The following ASTN2 variants were observed in gnomAD, a reference collection of about 807,000 sequenced individuals.
ASTN2 encodes astrotactin-2.
Under a neutral mutation model 139.8 loss-of-function variants are expected in ASTN2, and 54 were observed. The ratio of observed to expected loss-of-function variants is 0.39; its 90% CI spans 0.31 to 0.48. ASTN2 has a LOEUF of 0.48. Among genes scored for constraint, ASTN2 ranks in the 20% least tolerant of loss-of-function variants. The pLI, the probability that ASTN2 is intolerant of heterozygous loss-of-function variation, is 0.95. For synonymous variants in ASTN2, 756 were observed against 719.5 expected, an observed-to-expected ratio of 1.05 and a Z score of -0.81; for missense variants, 1,565 against 1,725.1, an observed-to-expected ratio of 0.91 and a Z score of 1.64.
At chr9:116,538,232 G>A (rs985871284) in intron 19 of ASTN2, among the ~76,000 whole-genome samples, 3 of 150,834 alleles carry the variant, frequency 2.0e-5, no homozygotes, top group Admixed American at 6.6e-5. Flanking sequence ...GGGACTGAGA[G>A]GGAGAAAAAG....
At chr9:116,702,863 G>C (rs952969803) in intron 16 of ASTN2, among the ~76,000 whole-genome samples, 9 of 152,212 alleles carry the variant, frequency 5.9e-5, no homozygotes, top group Non-Finnish European at 1.0e-4. Context: ...CTCCGGACTT[G>C]AGTCTGTAGA....
intron 19 of ASTN2, among the ~76,000 whole-genome samples, chr9:116,536,278 T>C (rs1034820071): frequency 1.3e-5 from 2 of 151,896 alleles, no homozygotes; most frequent in Non-Finnish European, 2.9e-5. Context: ...TCAAGGTTTT[T>C]ATCTTCTTTG....
At chr9:117,277,081 C>A (rs909323642) in intron 2 of ASTN2, 1 of 152,146 alleles carries the variant, frequency 6.6e-6, no homozygotes, top group African/African-American at 2.4e-5. Flanking sequence ...CCTCTTCCCC[C>A]CTCACTGCTC....
intron 10 of ASTN2, among the ~76,000 whole-genome samples, chr9:116,933,404 C>T (rs999964064): frequency 4.6e-5 from 7 of 151,920 alleles, no homozygotes; most frequent in Non-Finnish European, 8.8e-5. Flanking sequence ...GAAGGGGAGC[C>T]GGAGTGAAGG....
intron 4 of ASTN2, among the ~76,000 whole-genome samples, chr9:117,103,260 G>A (rs964828461): frequency 6.6e-6 from 1 of 152,162 alleles, no homozygotes; most frequent in Non-Finnish European, 1.5e-5. Context: ...TAGTAGGAAA[G>A]CATTTTAGAT....
chr9:116,741,868 C>T (rs1829103872), intron 13 of ASTN2, among the ~76,000 whole-genome samples: 1 of 152,150 alleles, frequency 6.6e-6, no homozygotes, highest in Admixed American at 6.5e-5. Context: ...CTTAATTATG[C>T]ATCATAGTTT....
At chr9:116,807,947 TA>T (rs61576800) in intron 12 of ASTN2, among the ~76,000 whole-genome samples, 306 of 137,790 alleles carry the variant, frequency 2.2e-3, no homozygotes, top group Middle Eastern at 3.9e-3. Context: ...CTGTCTCTAC[TA>T]AAAAAAAAAA....
At chr9:117,197,553 C>T (rs572907722) in intron 3 of ASTN2, 1 of 152,262 alleles carries the variant, frequency 6.6e-6, no homozygotes, top group South Asian at 2.1e-4. Flanking sequence ...ACCCCACTGA[C>T]TCCATTAATA....
At chr9:117,271,191 A>G (rs902188074) in intron 2 of ASTN2, among the ~76,000 whole-genome samples, 3 of 152,210 alleles carry the variant, frequency 2.0e-5, no homozygotes, top group Non-Finnish European at 4.4e-5. Flanking sequence ...ACACCTCATA[A>G]TCATGATGGA....
At chr9:117,176,293 T>G (rs1830914963) in intron 3 of ASTN2, among the ~76,000 whole-genome samples, 1 of 152,070 alleles carries the variant, frequency 6.6e-6, no homozygotes, top group Non-Finnish European at 1.5e-5. Context: ...CAGGACAATC[T>G]TAGATAAGAT....
At chr9:117,158,297 A>C (rs1830473344) in intron 3 of ASTN2, among the ~76,000 whole-genome samples, 1 of 152,048 alleles carries the variant, frequency 6.6e-6, no homozygotes, top group African/African-American at 2.4e-5. Context: ...TGCATTTAGA[A>C]AAGATATGTT....
intron 5 of ASTN2, among the ~76,000 whole-genome samples, chr9:117,083,531 G>A (rs892033011): frequency 6.6e-6 from 1 of 152,084 alleles, no homozygotes; most frequent in Non-Finnish European, 1.5e-5. Context: ...CCAGTGGCAT[G>A]GTCTGTTTAT....
chr9:117,021,322 T>C (rs1007500312), intron 6 of ASTN2, among the ~76,000 whole-genome samples: 4 of 152,054 alleles, frequency 2.6e-5, no homozygotes, highest in African/African-American at 9.7e-5. Context: ...ACATTTGGAG[T>C]GTATTTATGC....
intron 5 of ASTN2, among the ~76,000 whole-genome samples, chr9:117,053,124 G>T (rs76736599): frequency 2.3e-4 from 35 of 152,310 alleles, no homozygotes; most frequent in Non-Finnish European, 3.8e-4. Flanking sequence ...CACTTGATGT[G>T]CACTGTTTCA....
chr9:117,411,738 C>T (rs1239544294), intron 1 of ASTN2, among the ~76,000 whole-genome samples: 1 of 152,194 alleles, frequency 6.6e-6, no homozygotes, highest in Non-Finnish European at 1.5e-5. Context: ...CCATCACCCC[C>T]TAGTGGTAGC....
chr9:116,771,390 G>T (rs1235477036), intron 13 of ASTN2, among the ~76,000 whole-genome samples: 1 of 152,114 alleles, frequency 6.6e-6, no homozygotes, highest in Middle Eastern at 3.2e-3. Flanking sequence ...GAAATAAGGT[G>T]ATCCACATAA....
Position 117,380,736 on chromosome 9 carries a change from C to G in ASTN2, c.442+33761G>C, listed in dbSNP as rs182746910. Among the ~76,000 whole-genome samples, 843 of 152,266 alleles carry G rather than the reference C, an allele frequency of 5.5e-3. 4 individuals carry two copies. Among genetic ancestry groups the G allele is most frequent in the Non-Finnish European group, 9.7e-3 (661 of 68,030 alleles). ...TAGGCAAATGAGGTACCACTTCACC[C>G]CACTAGGGTAAAGACAGACATTAGC... On this transcript the variant is annotated intron_variant, in intron 1 of 22. Coordinates refer to ENST00000313400, the MANE Select transcript of ASTN2 (RefSeq NM_001365068.1).
At chr9:116,838,101 G>GTTTTTTTTT (rs752512675) in intron 11 of ASTN2, among the ~76,000 whole-genome samples, 5 of 134,136 alleles carry the variant, frequency 3.7e-5, no homozygotes, top group Non-Finnish European at 6.2e-5. Flanking sequence ...GCCTGGCTGT[G>GTTTTTTTTT]TTTTTTTTTG....
intron 17 of ASTN2, among the ~76,000 whole-genome samples, chr9:116,632,497 C>T (rs1057380660): frequency 9.2e-5 from 14 of 151,966 alleles, no homozygotes; most frequent in African/African-American, 3.4e-4. Flanking sequence ...AAAATACAAC[C>T]ATTTTTCTTA....
Sources: allele counts gnomAD v4.1 joint callset (sites outside exome capture counted in the v4.1 genomes callset), GRCh38; gene constraint gnomAD v4.1.1; transcripts MANE v1.5; gene names NCBI Gene and HGNC (gene_info 2026-07-23, HGNC 2026-07-21).